The following TMEM255A variants were observed in gnomAD, a reference collection of about 807,000 sequenced individuals.
The protein encoded by TMEM255A is family with sequence similarity 70, member A.
In TMEM255A, 14 loss-of-function variants were observed where a neutral mutation model predicts 23.5. The ratio of observed to expected loss-of-function variants is 0.60; its 90% CI spans 0.39 to 0.93. The LOEUF is 0.93. TMEM255A is among the 40% of genes least tolerant of loss of function. The pLI is 0.00. For missense variants in TMEM255A, 233 were observed against 261.7 expected (o/e 0.89, Z 0.76); for synonymous variants, 104 against 100.3 (o/e 1.04, Z -0.22).
chrX:120,253,941 G>A (rs376833183), downstream of TMEM255A: 42 of 1,204,522 alleles, frequency 3.5e-5, 1 homozygote, highest in African/African-American at 4.8e-4. Flanking sequence ...ATTATCTGCC[G>A]AAGATTATGA....
At chrX:120,311,188 A>G in intron 1 of TMEM255A, 64 bp downstream of exon 1, 1 of 1,005,168 alleles carries the variant, frequency 9.9e-7, no homozygotes, top group South Asian at 2.0e-5. Context: ...GGGCGTTCAC[A>G]GTCCAGAGGC....
chrX:120,295,147 G>A (rs960324635), intron 2 of TMEM255A, among the ~76,000 whole-genome samples: 2 of 112,193 alleles, frequency 1.8e-5, no homozygotes, highest in Non-Finnish European at 3.8e-5. Context: ...ACTGATAGCT[G>A]TTGATGGGGA....
chrX:120,255,696 G>T, downstream of TMEM255A: 1 of 299,533 alleles, frequency 3.3e-6, no homozygotes, highest in Non-Finnish European at 6.0e-6. Context: ...AGCTTGGAGA[G>T]ATAGTTTCCT....
At chrX:120,297,110 T>A (rs1406542154) in intron 2 of TMEM255A, among the ~76,000 whole-genome samples, 42 of 29,900 alleles carry the variant, frequency 1.4e-3, no homozygotes, top group South Asian at 5.6e-3. Context: ...TTATATATAT[T>A]ATATTATATT....
At chrX:120,264,860 T>G (rs1413492511) in intron 8 of TMEM255A, among the ~76,000 whole-genome samples, 1 of 107,969 alleles carries the variant, frequency 9.3e-6, no homozygotes, top group Non-Finnish European at 1.9e-5. Context: ...AGCAGACGTT[T>G]CCTGCCCTCT....
intron 5 of TMEM255A, chrX:120,285,657 C>A (rs377655443): frequency 8.3e-7 from 1 of 1,209,148 alleles, no homozygotes; most frequent in Non-Finnish European, 1.1e-6. Flanking sequence ...TTCCTCATAA[C>A]CCTCGTGGAA....
chrX:120,273,097 T>C (rs782032437), intron 7 of TMEM255A: 1 of 142,186 alleles, frequency 7.0e-6, no homozygotes, highest in Admixed American at 8.7e-5. Flanking sequence ...ACCTGGGTTA[T>C]CACATCAGCC....
At chrX:120,283,731 G>T (rs1398364052) in intron 6 of TMEM255A, among the ~76,000 whole-genome samples, 1 of 111,568 alleles carries the variant, frequency 9.0e-6, no homozygotes, top group Non-Finnish European at 1.9e-5. Flanking sequence ...TCCCCGCTTT[G>T]CATTGTCTCC....
At chrX:120,301,635 T>A (rs782442196) in intron 2 of TMEM255A, among the ~76,000 whole-genome samples, 19 of 110,084 alleles carry the variant, frequency 1.7e-4, no homozygotes, top group South Asian at 1.2e-3. Context: ...ACTTTTTCAA[T>A]CAAAGGTTAG....
intron 5 of TMEM255A, chrX:120,286,077 C>G (rs1423249589): frequency 2.0e-5 from 7 of 345,716 alleles, no homozygotes; most frequent in Non-Finnish European, 3.3e-5. Context: ...TCTATTCCTC[C>G]TATCTAACCT....
At chrX:120,280,662 T>C (rs1026244594) in intron 6 of TMEM255A, among the ~76,000 whole-genome samples, 8 of 111,064 alleles carry the variant, frequency 7.2e-5, no homozygotes, top group African/African-American at 2.6e-4. Context: ...CTAAAACACT[T>C]TTAAAAATAT....
intron 6 of TMEM255A, among the ~76,000 whole-genome samples, chrX:120,280,423 T>C (rs1307158083): frequency 1.8e-5 from 2 of 110,928 alleles, no homozygotes; most frequent in African/African-American, 3.3e-5. Context: ...ATTTAATTTT[T>C]TTTTTTCACT....
downstream of TMEM255A, chrX:120,256,257 T>C (rs1394327810): frequency 8.1e-6 from 1 of 123,359 alleles, no homozygotes; most frequent in Non-Finnish European, 1.9e-5. Flanking sequence ...TTTTGGCTTC[T>C]TAAGGTTAAA....
intron 3 of TMEM255A, among the ~76,000 whole-genome samples, chrX:120,291,739 G>A (rs1175808796): frequency 9.3e-6 from 1 of 107,968 alleles, no homozygotes; most frequent in African/African-American, 3.4e-5. Context: ...ACAGTGAGGG[G>A]AAATGGTGTG....
At chrX:120,254,314 A>G, downstream of TMEM255A, 1 of 1,212,036 alleles carries the variant, frequency 8.3e-7, no homozygotes, top group South Asian at 1.8e-5. Context: ...TCACTTCCAA[A>G]TCATATGCCC....
intron 8 of TMEM255A, among the ~76,000 whole-genome samples, chrX:120,262,938 C>G (rs1445055280): frequency 9.0e-6 from 1 of 111,554 alleles, no homozygotes; most frequent in Non-Finnish European, 1.9e-5. Context: ...CAGTTGTACA[C>G]TTTGATAATA....
chrX:120,297,011 T>TTA (rs1333412670), intron 2 of TMEM255A, among the ~76,000 whole-genome samples: 2 of 3,916 alleles, frequency 5.1e-4, no homozygotes, highest in Middle Eastern at 0.2. Flanking sequence ...ATATATAATA[T>TTA]TATATATATT....
At position 120,260,007 on chromosome X, in the gene TMEM255A, TAAC is replaced by T. The variant is rs1296430677; in HGVS notation, c.*860_*862del. On this transcript the variant is annotated 3_prime_UTR_variant, in exon 9 of 9. Transcript: ENST00000371369. ...AAGATTAAATAGTCACAAAGATTAG[TAAC>T]AATTCATATCACGACCCAAGAACCT... 8 of 370,339 alleles carry T rather than the reference TAAC, an allele frequency of 2.2e-5. No homozygotes were observed. The highest frequency in any genetic ancestry group is 2.8e-5 in the Non-Finnish European group (8 of 290,021). The allele number at this position is 370,339 out of a possible 1,213,427, so 30.5% of individuals were successfully genotyped here.
chrX:120,300,956 A>C (rs1053987839), intron 2 of TMEM255A, among the ~76,000 whole-genome samples: 89 of 110,577 alleles, frequency 8.0e-4, no homozygotes, highest in African/African-American at 2.8e-3. Context: ...TCCTGGCCTC[A>C]AGCTATCCTC....
Sources: allele counts gnomAD v4.1 joint callset (sites outside exome capture counted in the v4.1 genomes callset), GRCh38; gene constraint gnomAD v4.1.1; transcripts MANE v1.5; gene names NCBI Gene and HGNC (gene_info 2026-07-23, HGNC 2026-07-21).